MARK4: variants seen among roughly 807,000 people sequenced by gnomAD.
MARK4 encodes MAP/microtubule affinity-regulating kinase 4.
MARK4 carries 19 observed loss-of-function variants against 81.5 expected under a neutral mutation model. That is an observed-to-expected ratio of 0.23 (90% CI 0.16 to 0.34). MARK4 has a LOEUF of 0.34. MARK4 is among the 10% of genes least tolerant of loss of function. The probability of loss-of-function intolerance (pLI) is 1.00; values close to 1 mark genes in which losing one functional copy is unlikely to be tolerated. For missense variants in MARK4, 772 were observed against 1,058.8 expected (o/e 0.73, Z 3.76); for synonymous variants, 436 against 439.0 (o/e 0.99, Z 0.08).
At chr19:45,278,319 A>T (rs1008351635) in intron 9 of MARK4, among the ~76,000 whole-genome samples, 197 bp from the exon 10 acceptor site, 34 of 152,028 alleles carry the variant, frequency 2.2e-4, no homozygotes, top group South Asian at 2.1e-4. Flanking sequence ...GACCCAGATG[A>T]TGCGGAGGAG....
intron 12 of MARK4, among the ~76,000 whole-genome samples, chr19:45,282,754 G>A (rs539135502): frequency 2.2e-4 from 34 of 152,220 alleles, no homozygotes; most frequent in African/African-American, 7.9e-4. Flanking sequence ...AACCTGGGAG[G>A]TGGAGGTTGC....
chr19:45,289,033 C>G (rs891407311), intron 13 of MARK4, among the ~76,000 whole-genome samples: 1 of 152,076 alleles, frequency 6.6e-6, no homozygotes, highest in African/African-American at 2.4e-5. Context: ...AGTCAAGTCC[C>G]AGCCTTGACC....
intron 7 of MARK4, among the ~76,000 whole-genome samples, chr19:45,269,862 A>C (rs1970502773): frequency 6.6e-6 from 1 of 152,054 alleles, no homozygotes; most frequent in Admixed American, 6.6e-5. Context: ...TTATTTATTC[A>C]CTTATTTTTG....
intron 2 of MARK4, among the ~76,000 whole-genome samples, chr19:45,262,299 C>G (rs73036545): frequency 0.026 from 3,348 of 130,256 alleles, 57 homozygotes; most frequent in South Asian, 0.037. Flanking sequence ...TGTAACACCA[C>G]TGTACTCTAG....
intron 1 of MARK4, 90 bp downstream of exon 1, chr19:45,251,729 A>G: frequency 8.0e-7 from 1 of 1,253,538 alleles, no homozygotes; most frequent in Non-Finnish European, 1.1e-6. Flanking sequence ...GCGAGCCCCT[A>G]CCCTCGTTTC....
intron 4 of MARK4, among the ~76,000 whole-genome samples, chr19:45,264,314 C>T (rs981736302): frequency 1.3e-5 from 2 of 151,936 alleles, no homozygotes; most frequent in Admixed American, 1.3e-4. Flanking sequence ...TCAGCATGAC[C>T]AACATGGAGA....
chr19:45,280,059 T>G, intron 10 of MARK4: 2 of 303,588 alleles, frequency 6.6e-6, no homozygotes, highest in South Asian at 3.5e-5. Context: ...CAGAAATGAG[T>G]GGAAGTGGGC....
At chr19:45,266,699 A>G (rs1246770681) in intron 7 of MARK4, among the ~76,000 whole-genome samples, 1 of 150,116 alleles carries the variant, frequency 6.7e-6, no homozygotes, top group African/African-American at 2.4e-5. Context: ...CACTCTGCCC[A>G]CAGGGTCCCA....
chr19:45,277,823 T>TG (rs1970619157), intron 8 of MARK4, 100 bp from the exon 9 acceptor site: 23 of 735,558 alleles, frequency 3.1e-5, no homozygotes, highest in South Asian at 3.0e-4. Flanking sequence ...GGGACAAAGG[T>TG]TGTGTGTGTG....
rs374997070 is a variant in MARK4 at position 45,297,729 on chromosome 19, C to T, written c.1652C>T (p.Pro551Leu). 2 of 1,564,888 alleles carry T rather than the reference C, an allele frequency of 1.3e-6. No individual in the cohort carries two copies. The highest frequency in any genetic ancestry group is 1.4e-5 in the African/African-American group (1 of 73,300). The change falls in exon 15 of 17, where the codon CCC becomes CTC. Residue 551 changes from proline to leucine, a missense_variant. Transcript: ENST00000262891. ...PASPSSHSLA[P>L]PSGERSRLAR... ...TCCCCCTCCAGTCACAGCCTGGCAC[C>T]CCCATCAGGGGAGCGGAGCCGCCTG...
intron 7 of MARK4, among the ~76,000 whole-genome samples, chr19:45,266,755 CAG>C (rs1268033124): frequency 1.5e-5 from 2 of 129,676 alleles, no homozygotes; most frequent in Non-Finnish European, 3.2e-5. Flanking sequence ...TTTTTTGAGA[CAG>C]AGTCTCACTC....
At chr19:45,286,077 G>A (rs1348589182) in intron 12 of MARK4, among the ~76,000 whole-genome samples, 1 of 151,946 alleles carries the variant, frequency 6.6e-6, no homozygotes, top group African/African-American at 2.4e-5. Flanking sequence ...TTTGTTTTTT[G>A]ACGGAGTCTC....
intron 8 of MARK4, among the ~76,000 whole-genome samples, chr19:45,274,139 C>T (rs1451182407): frequency 6.6e-6 from 1 of 152,170 alleles, no homozygotes; most frequent in Non-Finnish European, 1.5e-5. Context: ...GTCCCAGCCA[C>T]TCGGGTGGCT....
intron 2 of MARK4, among the ~76,000 whole-genome samples, chr19:45,260,036 G>A (rs532746002): frequency 2.6e-5 from 4 of 151,234 alleles, no homozygotes; most frequent in East Asian, 2.0e-4. Flanking sequence ...TCAGTGAGCC[G>A]AGATCATGCC....
At chr19:45,258,560 C>T (rs1265040583) in intron 1 of MARK4, among the ~76,000 whole-genome samples, 1 of 151,934 alleles carries the variant, frequency 6.6e-6, no homozygotes, top group Non-Finnish European at 1.5e-5. Context: ...ATTAGCCAGG[C>T]ATGATGGTGC....
At chr19:45,259,969 C>T (rs999566759) in intron 2 of MARK4, among the ~76,000 whole-genome samples, 3 of 151,796 alleles carry the variant, frequency 2.0e-5, no homozygotes, top group Non-Finnish European at 2.9e-5. Context: ...TGCCTATAAT[C>T]TCAGCTGCTC....
intron 8 of MARK4, among the ~76,000 whole-genome samples, chr19:45,273,213 C>T (rs1970553635): frequency 6.6e-6 from 1 of 151,750 alleles, no homozygotes; most frequent in Non-Finnish European, 1.5e-5. Flanking sequence ...GAGCAAATAA[C>T]ACATGGTATG....
chr19:45,264,502 A>C (rs961622611), intron 4 of MARK4, among the ~76,000 whole-genome samples, 182 bp from the exon 5 acceptor site: 1 of 151,162 alleles, frequency 6.6e-6, no homozygotes, highest in African/African-American at 2.4e-5. Context: ...AAAAAAAAAA[A>C]CGAAAGTGGA....
chr19:45,301,900 T>G (rs890042151), intron 16 of MARK4, among the ~76,000 whole-genome samples: 1 of 151,694 alleles, frequency 6.6e-6, no homozygotes, highest in Non-Finnish European at 1.5e-5. Context: ...AAAAAGAAAT[T>G]TCTCATTCAA....
Sources: allele counts gnomAD v4.1 joint callset (sites outside exome capture counted in the v4.1 genomes callset), GRCh38; gene constraint gnomAD v4.1.1; transcripts MANE v1.5; gene names NCBI Gene and HGNC (gene_info 2026-07-23, HGNC 2026-07-21).